Variants in BRINP1 observed in about 807,000 individuals in gnomAD.
The protein encoded by BRINP1 is BMP/retinoic acid-inducible neural-specific protein 1.
A neutral mutation model predicts 72.9 loss-of-function variants in BRINP1; 17 were observed. That is an observed-to-expected ratio of 0.23 (90% CI 0.16 to 0.35). BRINP1 has a LOEUF of 0.35. Ranked by LOEUF, BRINP1 falls within the 10% of genes least tolerant of loss-of-function variation. The pLI, the probability that BRINP1 is intolerant of heterozygous loss-of-function variation, is 1.00. For missense variants in BRINP1, 850 were observed against 1,001.6 expected, an observed-to-expected ratio of 0.85 and a Z score of 2.04; for synonymous variants, 418 against 378.5, an observed-to-expected ratio of 1.10 and a Z score of -1.21.
intron 1 of BRINP1, among the ~76,000 whole-genome samples, chr9:119,328,630 T>C (rs1410272620): frequency 6.6e-6 from 1 of 152,196 alleles, no homozygotes; most frequent in African/African-American, 2.4e-5. Flanking sequence ...AAAGTGTCCA[T>C]GACTTTAGGG....
At chr9:119,367,221 G>GTGATATATATATATAT (rs1564259756) in intron 1 of BRINP1, among the ~76,000 whole-genome samples, 3,194 of 99,524 alleles carry the variant, frequency 0.032, 129 homozygotes, top group Non-Finnish European at 0.043. Flanking sequence ...GTGTGTGATT[G>GTGATATATATATATAT]ATATATATAT....
At chr9:119,307,301 C>A (rs1441750206) in intron 2 of BRINP1, among the ~76,000 whole-genome samples, 1 of 151,984 alleles carries the variant, frequency 6.6e-6, no homozygotes, top group Non-Finnish European at 1.5e-5. Flanking sequence ...AATCTAAATA[C>A]CTGGAGAAAG....
chr9:119,321,234 G>T (rs914406706), intron 1 of BRINP1, among the ~76,000 whole-genome samples: 1 of 151,884 alleles, frequency 6.6e-6, no homozygotes, highest in Non-Finnish European at 1.5e-5. Flanking sequence ...CCCGGCCATT[G>T]GTCCCCATTT....
intron 3 of BRINP1, 103 bp from the exon 4 acceptor site, chr9:119,242,319 T>C (rs554555416): frequency 3.3e-6 from 3 of 909,444 alleles, no homozygotes; most frequent in Non-Finnish European, 5.0e-6. Context: ...CTCCAACCAA[T>C]GTGGCCCATG....
intron 5 of BRINP1, among the ~76,000 whole-genome samples, chr9:119,225,393 A>T (rs527254086): frequency 2.0e-5 from 3 of 151,848 alleles, no homozygotes; most frequent in Admixed American, 2.0e-4. Flanking sequence ...ACCAAAATCC[A>T]TGAATGCTCA....
rs572841013 is a variant in BRINP1, at chr9:119,253,980, T to A, written c.219-4830A>T. Reference sequence around the variant, plus strand: ...TACAGGGATGTTGGAGCAAAGACTGTAATAATCACAGGATTCTGTGATTTT... The same window carrying A: ...TACAGGGATGTTGGAGCAAAGACTGAAATAATCACAGGATTCTGTGATTTT... On this transcript the variant is annotated intron_variant, in intron 2 of 7. Transcript: ENST00000265922. Among the ~76,000 whole-genome samples, 7 of 152,296 alleles carry A rather than the reference T, an allele frequency of 4.6e-5. 1 individual carries two copies. The South Asian group carries it at 1.5e-3, about 32-fold the overall frequency.
rs374146052 is a variant in BRINP1 at position 119,174,052 on chromosome 9, G to A, written c.1146-5828C>T. ...AGGCATTACCATTCAGGACATAGGCGTGGGCAAGGACTTCATGTCTAAAAC... is the reference window on the plus strand; with the variant it reads ...AGGCATTACCATTCAGGACATAGGCATGGGCAAGGACTTCATGTCTAAAAC... On this transcript the variant is annotated intron_variant, in intron 7 of 7. Transcript: ENST00000265922. Among the ~76,000 whole-genome samples, 233 of 129,770 alleles carry A rather than the reference G, an allele frequency of 1.8e-3. 3 individuals carry two copies. The highest frequency in any genetic ancestry group is 4.5e-3 in the African/African-American group (111 of 24,466). The allele number at this position is 129,770 out of a possible 152,430, so 85.1% of individuals were successfully genotyped here. A position where few individuals can be genotyped will look rare whatever the true frequency, so the allele number is the denominator to read the frequency against.
rs1471623358 is a variant in BRINP1, at chr9:119,313,379, C to T, written c.-24G>A. 1.2e-6 allele frequency: 2 copies of T among 1,612,124 alleles called. No individual in the cohort carries two copies. The highest frequency in any genetic ancestry group is 1.7e-6 in the Non-Finnish European group (2 of 1,179,584). On this transcript the variant is annotated 5_prime_UTR_variant, in exon 2 of 8. Coordinates refer to ENST00000265922, the MANE Select transcript of BRINP1 (RefSeq NM_014618.3). Reference sequence around the variant, plus strand: ...ATGCTTTTCTGCCGGCCTTTTTCCTCTCATTCTTGCTCCATTCTGTGGAGT... The same window carrying T: ...ATGCTTTTCTGCCGGCCTTTTTCCTTTCATTCTTGCTCCATTCTGTGGAGT...
chr9:119,216,603 T>C (rs1187436801), intron 5 of BRINP1, among the ~76,000 whole-genome samples: 1 of 152,186 alleles, frequency 6.6e-6, no homozygotes, highest in Non-Finnish European at 1.5e-5. Flanking sequence ...AAATTTATTT[T>C]TAGCTGATCC....
At chr9:119,246,273 C>T (rs1232735231) in intron 3 of BRINP1, among the ~76,000 whole-genome samples, 2 of 152,110 alleles carry the variant, frequency 1.3e-5, no homozygotes, top group Non-Finnish European at 2.9e-5. Context: ...AGGAGATTAA[C>T]ATTTGAGTCA....
chr9:119,180,079 T>G (rs537101545), intron 7 of BRINP1, among the ~76,000 whole-genome samples: 1 of 152,160 alleles, frequency 6.6e-6, no homozygotes, highest in Non-Finnish European at 1.5e-5. Flanking sequence ...TGATTTTAAT[T>G]GGAGGTTTTG....
intron 1 of BRINP1, among the ~76,000 whole-genome samples, chr9:119,340,726 A>G (rs1242646354): frequency 6.6e-6 from 1 of 152,156 alleles, no homozygotes; most frequent in African/African-American, 2.4e-5. Context: ...CAAATGCCCA[A>G]CCTATGATGG....
At chr9:119,334,346 T>C (rs1178590867) in intron 1 of BRINP1, among the ~76,000 whole-genome samples, 1 of 152,166 alleles carries the variant, frequency 6.6e-6, no homozygotes, top group Non-Finnish European at 1.5e-5. Context: ...CACCGTGTTG[T>C]TGGCACAACG....
At chr9:119,325,157 G>A (rs1831227235) in intron 1 of BRINP1, among the ~76,000 whole-genome samples, 1 of 151,526 alleles carries the variant, frequency 6.6e-6, no homozygotes, top group Non-Finnish European at 1.5e-5. Flanking sequence ...AGAAAGAGGA[G>A]AGAGGAAAAA....
At chr9:119,178,520 G>A (rs1829514940) in intron 7 of BRINP1, among the ~76,000 whole-genome samples, 1 of 152,172 alleles carries the variant, frequency 6.6e-6, no homozygotes, top group African/African-American at 2.4e-5. Flanking sequence ...TCTCCAGCCA[G>A]TTCTCTCAGT....
At chr9:119,353,718 GTTCAT>G (rs1831527442) in intron 1 of BRINP1, among the ~76,000 whole-genome samples, 1 of 146,780 alleles carries the variant, frequency 6.8e-6, no homozygotes, top group Admixed American at 6.9e-5. Context: ...ACACCCAACT[GTTCAT>G]TTCATTTTCT....
At chr9:119,264,078 T>C (rs1830523928) in intron 2 of BRINP1, among the ~76,000 whole-genome samples, 2 of 152,188 alleles carry the variant, frequency 1.3e-5, no homozygotes, top group Non-Finnish European at 2.9e-5. Flanking sequence ...TGTTTCCAAA[T>C]TGCCTAAGTC....
intron 5 of BRINP1, among the ~76,000 whole-genome samples, chr9:119,231,849 T>G (rs548770775): frequency 6.6e-6 from 1 of 152,088 alleles, no homozygotes; most frequent in Non-Finnish European, 1.5e-5. Context: ...AATTTCTCCA[T>G]GGCACAATAA....
rs185220756 is a variant in BRINP1 at position 119,355,059 on chromosome 9, G to A, written c.-51+13997C>T. Among the ~76,000 whole-genome samples, 101 of 152,198 alleles carry A rather than the reference G, an allele frequency of 6.6e-4. 1 individual carries two copies. The highest frequency in any genetic ancestry group is 2.6e-4 in the Admixed American group (4 of 15,286). On this transcript the variant is annotated intron_variant, in intron 1 of 7. Coordinates refer to ENST00000265922, the MANE Select transcript of BRINP1 (RefSeq NM_014618.3). ...CCCCTGCTTTGACTCCTGTTCCTACGACAAATTGCTCACTGATCCCCCATA... is the reference window on the plus strand; with the variant it reads ...CCCCTGCTTTGACTCCTGTTCCTACAACAAATTGCTCACTGATCCCCCATA...
Sources: allele counts gnomAD v4.1 joint callset (sites outside exome capture counted in the v4.1 genomes callset), GRCh38; gene constraint gnomAD v4.1.1; transcripts MANE v1.5; gene names NCBI Gene and HGNC (gene_info 2026-07-23, HGNC 2026-07-21).